The following GPR176 variants were observed in gnomAD, a reference collection of about 807,000 sequenced individuals.
GPR176 encodes G protein-coupled receptor 176.
GPR176 carries 26 observed loss-of-function variants against 35.4 expected under a neutral mutation model. The observed-to-expected ratio is 0.74, with a 90% CI of 0.54 to 1.02. The LOEUF (loss-of-function observed/expected upper bound fraction) is 1.02, where lower values mean the gene tolerates loss of function less well. GPR176 is among the 50% of genes least tolerant of loss of function. The probability of loss-of-function intolerance (pLI) is 0.00; values close to 1 mark genes in which losing one functional copy is unlikely to be tolerated. For missense variants in GPR176, 597 were observed against 665.3 expected, an observed-to-expected ratio of 0.90 and a Z score of 1.13; for synonymous variants, 278 against 271.3, an observed-to-expected ratio of 1.02 and a Z score of -0.24.
intron 1 of GPR176, among the ~76,000 whole-genome samples, chr15:39,897,806 G>T (rs1457188260): frequency 2.0e-5 from 3 of 151,958 alleles, no homozygotes; most frequent in Non-Finnish European, 4.4e-5. Flanking sequence ...TTTATCTCAG[G>T]TCCTGAGCCT....
chr15:39,825,108 G>C (rs1011531919), intron 1 of GPR176, among the ~76,000 whole-genome samples: 1 of 152,284 alleles, frequency 6.6e-6, no homozygotes, highest in South Asian at 2.1e-4. Flanking sequence ...TTGGGAGGCT[G>C]AGATACGAGG....
chr15:39,911,606 A>G (rs2033578958), intron 1 of GPR176, among the ~76,000 whole-genome samples: 1 of 152,256 alleles, frequency 6.6e-6, no homozygotes, highest in Admixed American at 6.5e-5. Context: ...GTTTTCAGTA[A>G]GAGAAGCCAT....
intron 1 of GPR176, chr15:39,829,314 G>A (rs1419934665): frequency 3.6e-6 from 5 of 1,378,744 alleles, no homozygotes; most frequent in Admixed American, 6.0e-5. Context: ...AGAAAGCCAT[G>A]AGGTCACAAA....
chr15:39,885,699 T>A (rs779362883), intron 1 of GPR176, among the ~76,000 whole-genome samples: 45 of 152,232 alleles, frequency 3.0e-4, no homozygotes, highest in Non-Finnish European at 5.9e-4. Flanking sequence ...ATCTTCTGGA[T>A]CTTGTTATAT....
rs2140885341 is a variant in GPR176, at chr15:39,920,036, G to A, written c.-10C>T. 7.6e-7 allele frequency: 1 copy of A among 1,314,894 alleles called. No individual in the cohort carries two copies. Among genetic ancestry groups the A allele is most frequent in the East Asian group, 3.1e-5 (1 of 31,870 alleles). 81.5% of individuals were successfully genotyped at this position (1,314,894 alleles called of 1,614,324 possible). ...TCCCGTTATGTCCCATGGCGAGGCT[G>A]GGACTCCGGCTCCGCGCGCCGCCCG... On this transcript the variant is annotated 5_prime_UTR_variant, in exon 1 of 3. The change creates a premature stop within an existing upstream ORF in the 5' untranslated region. Coordinates refer to ENST00000561100, the MANE Select transcript of GPR176 (RefSeq NM_007223.3).
intron 1 of GPR176, among the ~76,000 whole-genome samples, chr15:39,848,032 T>G (rs756493707): frequency 1.3e-5 from 2 of 151,974 alleles, no homozygotes; most frequent in Non-Finnish European, 2.9e-5. Context: ...AACAACCAGA[T>G]CTCATGAGAA....
intron 1 of GPR176, among the ~76,000 whole-genome samples, chr15:39,851,733 G>C (rs2030880612): frequency 6.6e-6 from 1 of 152,122 alleles, no homozygotes; most frequent in Non-Finnish European, 1.5e-5. Flanking sequence ...GCACCAAAAT[G>C]GTTTTCTCAG....
chr15:39,881,683 T>C (rs934461573), intron 1 of GPR176, among the ~76,000 whole-genome samples: 1 of 152,204 alleles, frequency 6.6e-6, no homozygotes, highest in Non-Finnish European at 1.5e-5. Flanking sequence ...CTGTTACTAA[T>C]GTGTTTTGTT....
intron 1 of GPR176, among the ~76,000 whole-genome samples, chr15:39,868,658 A>G (rs1486883787): frequency 1.3e-5 from 2 of 152,204 alleles, no homozygotes; most frequent in African/African-American, 2.4e-5. Flanking sequence ...AGGAATGCTC[A>G]GGATAAAGGC....
At position 39,801,556 on chromosome 15, in the gene GPR176, A is replaced by G. The variant is rs1231416809; in HGVS notation, c.1124T>C (p.Ile375Thr). 6.2e-7 allele frequency: 1 copy of G among 1,614,118 alleles called. No individual in the cohort carries two copies. The highest frequency in any genetic ancestry group is 8.5e-7 in the Non-Finnish European group (1 of 1,179,964). ...SGSQLLEMFH[I>T]GQQQIFKPTE... ...GGGCTTAAAGATCTGCTGCTGCCCA[A>G]TGTGGAACATCTCCAGGAGCTGGCT... The change falls in exon 3 of 3, where the codon ATT becomes ACT. Residue 375 changes from isoleucine to threonine, a missense_variant. By Grantham distance (89) the Ile-to-Thr change is moderately conservative. Around this residue, in one of 3 missense-constraint regions of GPR176, gnomAD observed 251 missense variants for 255.4 expected, o/e 0.98. Transcript: ENST00000561100.
At chr15:39,888,215 ATG>A (rs1287754789) in intron 1 of GPR176, among the ~76,000 whole-genome samples, 4 of 152,070 alleles carry the variant, frequency 2.6e-5, no homozygotes, top group African/African-American at 9.7e-5. Flanking sequence ...TATAACACAT[ATG>A]TGTTAACTTC....
At chr15:39,915,085 G>T (rs1566972057) in intron 1 of GPR176, among the ~76,000 whole-genome samples, 1 of 152,166 alleles carries the variant, frequency 6.6e-6, no homozygotes, top group Admixed American at 6.5e-5. Flanking sequence ...TTTACTTGGG[G>T]TCATCAATTT....
At chr15:39,891,729 C>T (rs972817674) in intron 1 of GPR176, among the ~76,000 whole-genome samples, 5 of 152,138 alleles carry the variant, frequency 3.3e-5, no homozygotes, top group African/African-American at 1.2e-4. Context: ...CTACCAGCTA[C>T]TTGGGAGGCT....
At chr15:39,882,298 A>G (rs574540787) in intron 1 of GPR176, among the ~76,000 whole-genome samples, 7 of 152,364 alleles carry the variant, frequency 4.6e-5, no homozygotes, top group Admixed American at 2.0e-4. Flanking sequence ...CAAACATTAC[A>G]TATCAACGGC....
intron 1 of GPR176, among the ~76,000 whole-genome samples, chr15:39,815,587 C>T (rs2140800578): frequency 6.6e-6 from 1 of 152,282 alleles, no homozygotes; most frequent in Admixed American, 6.5e-5. Flanking sequence ...AATGTTCAAC[C>T]TTGACTCAAA....
chr15:39,834,082 T>C (rs190440472), intron 1 of GPR176, among the ~76,000 whole-genome samples: 9 of 152,326 alleles, frequency 5.9e-5, no homozygotes, highest in Middle Eastern at 3.4e-3. Context: ...GCATTCTATG[T>C]TTCCTCCTTT....
chr15:39,832,506 G>A (rs567688006), intron 1 of GPR176, among the ~76,000 whole-genome samples: 1 of 152,098 alleles, frequency 6.6e-6, no homozygotes, highest in African/African-American at 2.4e-5. Context: ...TTCCTTCCGG[G>A]GGTTCTAGGG....
chr15:39,908,234 T>G (rs1332688806), intron 1 of GPR176, among the ~76,000 whole-genome samples: 3 of 152,204 alleles, frequency 2.0e-5, no homozygotes, highest in African/African-American at 7.2e-5. Flanking sequence ...CTGGCAGGCT[T>G]TATGATCCTC....
intron 1 of GPR176, among the ~76,000 whole-genome samples, chr15:39,857,078 T>C (rs2031272266): frequency 6.6e-6 from 1 of 152,214 alleles, no homozygotes. Flanking sequence ...GCTGTCTAAC[T>C]GTATATAGCT....
Sources: gnomAD v4.1 joint callset for allele counts (sites outside exome capture counted in the v4.1 genomes callset) on GRCh38, gnomAD v4.1.1 for gene constraint, gnomAD v4.1.1 regional missense constraint, MANE v1.5 for transcripts, NCBI Gene and HGNC (gene_info 2026-07-23, HGNC 2026-07-21) for gene names.